Variants in MGAT5 observed in about 807,000 individuals in gnomAD.
MGAT5 encodes the protein alpha-1,6-mannosylglycoprotein 6-beta-N-acetylglucosaminyltransferase.
MGAT5 carries 30 observed loss-of-function variants against 94.3 expected under a neutral mutation model. The observed-to-expected ratio is 0.32, with a 90% CI of 0.24 to 0.43. MGAT5 has a LOEUF of 0.43. MGAT5 is among the 20% of genes least tolerant of loss of function. The pLI, the probability that MGAT5 is intolerant of heterozygous loss-of-function variation, is 1.00. For missense variants in MGAT5, 691 were observed against 905.5 expected, an observed-to-expected ratio of 0.76 and a Z score of 3.04; for synonymous variants, 310 against 322.9, an observed-to-expected ratio of 0.96 and a Z score of 0.43.
intron 14 of MGAT5, among the ~76,000 whole-genome samples, chr2:134,429,106 T>C (rs1388716709): frequency 6.6e-6 from 1 of 152,200 alleles, no homozygotes; most frequent in East Asian, 1.9e-4. Flanking sequence ...GGTAGGAGAA[T>C]ATGAACTCTT....
At chr2:134,416,640 CTT>C (rs1683988275) in intron 12 of MGAT5, among the ~76,000 whole-genome samples, 1 of 151,682 alleles carries the variant, frequency 6.6e-6, no homozygotes, top group South Asian at 2.1e-4. Context: ...CCTCGCTACT[CTT>C]TTTATATTTG....
rs1328536188 is a variant in MGAT5 at position 134,387,260 on chromosome 2, CAAAAATA to C, written c.1381-15716_1381-15710del. Among the ~76,000 whole-genome samples, 33 of 116,594 alleles carry C rather than the reference CAAAAATA, an allele frequency of 2.8e-4. No individual in the cohort carries two copies. In the South Asian group the frequency reaches 3.5e-3, roughly 12 times the overall value. The allele number at this position is 116,594 out of a possible 152,430, so 76.5% of individuals were successfully genotyped here. ...TGGGCACCAAGAGTGAACTCCATCT[CAAAAATA>C]AAAAATAAAAATAAAAAATAAAAAG... On this transcript the variant is annotated intron_variant, in intron 10 of 15. Coordinates refer to ENST00000281923, the MANE Select transcript of MGAT5 (RefSeq NM_002410.5).
intron 14 of MGAT5, among the ~76,000 whole-genome samples, chr2:134,433,636 C>T (rs7564807): frequency 0.057 from 8,749 of 152,216 alleles, 312 homozygotes; most frequent in South Asian, 0.12. Context: ...GGAAAGCACA[C>T]GCCGAGAATG....
rs777084871 is a variant in MGAT5, at chr2:134,262,640, C to A, written c.242-7746C>A. Among the ~76,000 whole-genome samples the A allele has an allele frequency of 3.7e-4, 57 of 152,358 alleles. No individual in the cohort carries two copies. The Middle Eastern group carries it at 0.01, about 27-fold the overall frequency. On this transcript the variant is annotated intron_variant, in intron 1 of 15. Coordinates refer to ENST00000281923, the MANE Select transcript of MGAT5 (RefSeq NM_002410.5). The stretch of plus-strand genomic sequence containing the variant: ...GCCTCAAGCGATCCTCCCACCTCAG[C>A]CTTCCAAAGTGCTGGGATTACAGGT...
intron 1 of MGAT5, among the ~76,000 whole-genome samples, chr2:134,224,932 T>C (rs1680980668): frequency 6.6e-6 from 1 of 151,736 alleles, no homozygotes; most frequent in Admixed American, 6.6e-5. Context: ...TACAAAAAAT[T>C]AGCCAGGTGT....
upstream of MGAT5, among the ~76,000 whole-genome samples, chr2:134,249,467 T>A (rs548279810): frequency 1.3e-5 from 2 of 152,306 alleles, no homozygotes; most frequent in East Asian, 3.9e-4. Flanking sequence ...CTTTACAGAT[T>A]TGCCTATTCT....
At chr2:134,202,658 G>T (rs759545004) in intron 1 of MGAT5, among the ~76,000 whole-genome samples, 1 of 152,218 alleles carries the variant, frequency 6.6e-6, no homozygotes, top group Non-Finnish European at 1.5e-5. Flanking sequence ...GGGTAGGAAT[G>T]TCCTTAGGGA....
intron 1 of MGAT5, among the ~76,000 whole-genome samples, chr2:134,136,427 C>A (rs1467158562): frequency 6.6e-6 from 1 of 151,996 alleles, no homozygotes; most frequent in East Asian, 1.9e-4. Flanking sequence ...ATTAGCTGAG[C>A]GTGGTGGCGG....
At chr2:134,284,676 G>A (rs1166462036) in intron 2 of MGAT5, among the ~76,000 whole-genome samples, 1 of 152,064 alleles carries the variant, frequency 6.6e-6, no homozygotes, top group East Asian at 1.9e-4. Flanking sequence ...TTTCCTCAGA[G>A]CAAACCTGCA....
At chr2:134,355,429 A>C (rs914715333) in intron 9 of MGAT5, among the ~76,000 whole-genome samples, 1 of 152,062 alleles carries the variant, frequency 6.6e-6, no homozygotes, top group Non-Finnish European at 1.5e-5. Context: ...CCTAAGTCAT[A>C]GTTATTTGGG....
intron 14 of MGAT5, among the ~76,000 whole-genome samples, chr2:134,440,490 G>GGGT (rs1412203952): frequency 6.6e-6 from 1 of 152,170 alleles, no homozygotes; most frequent in Non-Finnish European, 1.5e-5. Flanking sequence ...GAGTGAGTGG[G>GGGT]GGTGCGCATG....
chr2:134,157,662 A>G (rs1687538448), intron 1 of MGAT5, among the ~76,000 whole-genome samples: 1 of 152,074 alleles, frequency 6.6e-6, no homozygotes, highest in South Asian at 2.1e-4. Context: ...TTACATTGTA[A>G]TATATAATGA....
chr2:134,137,734 A>G (rs1409646671), intron 1 of MGAT5, among the ~76,000 whole-genome samples: 2 of 151,902 alleles, frequency 1.3e-5, no homozygotes, highest in African/African-American at 4.8e-5. Flanking sequence ...GGACTAGAAT[A>G]GTCTCTATTT....
upstream of MGAT5, among the ~76,000 whole-genome samples, chr2:134,251,967 A>G (rs951791001): frequency 1.3e-5 from 2 of 152,138 alleles, no homozygotes; most frequent in Non-Finnish European, 1.5e-5. Flanking sequence ...TAGCTTCTGC[A>G]TGTGAGATTG....
chr2:134,216,619 T>C (rs1370420235), intron 1 of MGAT5, among the ~76,000 whole-genome samples: 1 of 152,258 alleles, frequency 6.6e-6, no homozygotes, highest in African/African-American at 2.4e-5. Context: ...CAGGTTGCCC[T>C]GTGTGATGGC....
chr2:134,270,366 G>T lies in MGAT5; in HGVS notation c.242-20G>T, dbSNP rs1453976707. On this transcript the variant is annotated intron_variant, in intron 1 of 15. Transcript: ENST00000281923. ...GTAGAGGCCATAGAATTTTAAAATT[G>T]TCTGCACTTTCTTTTACAGATCTGA... The T allele has an allele frequency of 1.2e-6, 2 of 1,610,938 alleles. No homozygotes were observed. The highest frequency in any genetic ancestry group is 1.7e-4 in the Middle Eastern group (1 of 6,052).
intron 1 of MGAT5, among the ~76,000 whole-genome samples, chr2:134,122,141 G>A (rs113221096): frequency 2.0e-5 from 3 of 151,090 alleles, no homozygotes; most frequent in African/African-American, 7.3e-5. Context: ...TTTTGCTCTT[G>A]TTGCCCAGGC....
chr2:134,308,571 G>A (rs1415827489), intron 2 of MGAT5, among the ~76,000 whole-genome samples: 1 of 152,184 alleles, frequency 6.6e-6, no homozygotes, highest in Non-Finnish European at 1.5e-5. Context: ...GGTGAATAAT[G>A]TTTTGTGTTT....
At chr2:134,444,503 A>G (rs1420916672) in intron 15 of MGAT5, among the ~76,000 whole-genome samples, 1 of 152,210 alleles carries the variant, frequency 6.6e-6, no homozygotes, top group Admixed American at 6.5e-5. Flanking sequence ...GCATTTGTAA[A>G]TACTGATAAT....
Sources: gnomAD v4.1 joint callset for allele counts (sites outside exome capture counted in the v4.1 genomes callset) on GRCh38, gnomAD v4.1.1 for gene constraint, MANE v1.5 for transcripts, NCBI Gene and HGNC (gene_info 2026-07-23, HGNC 2026-07-21) for gene names.